The following CCDC33 variants were observed in gnomAD, a reference collection of about 807,000 sequenced individuals.
CCDC33 encodes the protein coiled-coil domain-containing protein 33.
CCDC33 carries 94 observed loss-of-function variants against 91.9 expected under a neutral mutation model. That is an observed-to-expected ratio of 1.02 (90% CI 0.87 to 1.21). CCDC33 has a LOEUF of 1.21. CCDC33 is among the 50% of genes most tolerant of loss of function. CCDC33 has a pLI of 0.00. For missense variants in CCDC33, 940 were observed against 935.5 expected, an observed-to-expected ratio of 1.00 and a Z score of -0.06; for synonymous variants, 396 against 374.5, an observed-to-expected ratio of 1.06 and a Z score of -0.66.
intron 7 of CCDC33, among the ~76,000 whole-genome samples, chr15:74,274,896 G>C (rs1444533601): frequency 6.6e-6 from 1 of 152,270 alleles, no homozygotes; most frequent in Admixed American, 6.5e-5. Flanking sequence ...TGGCAGCTGG[G>C]CCAGGTTGGG....
intron 5 of CCDC33, among the ~76,000 whole-genome samples, chr15:74,270,890 A>C (rs1018460755): frequency 6.6e-6 from 1 of 152,132 alleles, no homozygotes; most frequent in African/African-American, 2.4e-5. Flanking sequence ...CGCCAATAGA[A>C]GCCTGGAGTA....
intron 17 of CCDC33, among the ~76,000 whole-genome samples, chr15:74,334,208 T>G (rs1164754955): frequency 3.2e-4 from 38 of 117,254 alleles, no homozygotes; most frequent in African/African-American, 5.7e-4. Flanking sequence ...TTCAGTGTGT[T>G]ACCAGGGTTA....
intron 11 of CCDC33, among the ~76,000 whole-genome samples, chr15:74,312,911 C>G (rs1053594247): frequency 5.9e-5 from 9 of 152,208 alleles, no homozygotes; most frequent in African/African-American, 1.9e-4. Context: ...TCTGACCCCA[C>G]CAGGCAGGGC....
At chr15:74,280,828 C>T in intron 9 of CCDC33, 27 bp downstream of exon 9, 1 of 1,439,946 alleles carries the variant, frequency 6.9e-7, no homozygotes, top group Non-Finnish European at 9.2e-7. Context: ...GAACTGGGCC[C>T]CTAGCGTGCC....
upstream of CCDC33, among the ~76,000 whole-genome samples, chr15:74,232,197 C>A (rs1185872991): frequency 6.6e-6 from 1 of 151,944 alleles, no homozygotes; most frequent in Non-Finnish European, 1.5e-5. Context: ...TCAGGCGGGG[C>A]GAGAGATTGG....
At position 74,262,459 on chromosome 15, in the gene CCDC33, A is replaced by G. The variant is rs1395878247; in HGVS notation, c.205A>G (p.Lys69Glu). Reference sequence around the variant, plus strand: ...CCCCAGGAAAAGCACATCTGAGGAAAAGAACAATCAGAGCTCCAAGGCAGT... The same window carrying G: ...CCCCAGGAAAAGCACATCTGAGGAAGAGAACAATCAGAGCTCCAAGGCAGT... The part of the protein sequence containing the change: ...YVVVKSTSEE[K>E]NNQSSKAVTS... Residue 69 changes from lysine (K) to glutamate (E), a missense_variant, in exon 3 of 19, where the codon AAG (lysine) becomes GAG (glutamate). Physicochemically the swap from Lys to Glu is moderately conservative, Grantham distance 56. Coordinates refer to ENST00000398814, the MANE Select transcript of CCDC33 (RefSeq NM_025055.5). 15 of 1,614,098 alleles carry G rather than the reference A, an allele frequency of 9.3e-6. No individual in the cohort carries two copies. The highest frequency in any genetic ancestry group is 1.3e-5 in the Non-Finnish European group (15 of 1,179,974).
chr15:74,278,455 G>C (rs530592895), intron 7 of CCDC33, among the ~76,000 whole-genome samples: 23 of 152,354 alleles, frequency 1.5e-4, no homozygotes, highest in Non-Finnish European at 1.5e-5. Context: ...CAGCCACTTG[G>C]TGGGTCTGTA....
In CCDC33 at chr15:74,259,120, G is replaced by A. The variant is rs184369318; in HGVS notation, c.186-3320G>A. On this transcript the variant is annotated intron_variant, in intron 2 of 18. Transcript: ENST00000398814. ...CTGGATTAAATCTGGCCCCGAGACA[G>A]CAGGCACCACCCACTAGCTCCTCCT... 1.3e-4 allele frequency among the ~76,000 whole-genome samples: 20 copies of A among 152,286 alleles called. No homozygotes were observed. The East Asian group carries it at 3.9e-3, about 29-fold the overall frequency.
intron 1 of CCDC33, among the ~76,000 whole-genome samples, chr15:74,243,463 C>T (rs1339712961): frequency 2.6e-5 from 4 of 152,216 alleles, no homozygotes; most frequent in Admixed American, 2.6e-4. Context: ...CTGTCTCATC[C>T]TGCAGGAAGG....
At chr15:74,326,680 T>C (rs2060316447) in intron 11 of CCDC33, among the ~76,000 whole-genome samples, 1 of 150,094 alleles carries the variant, frequency 6.7e-6, no homozygotes, top group African/African-American at 2.5e-5. Context: ...CAGTGGGCAC[T>C]AGCCTTAGGC....
At chr15:74,228,846 T>C (rs1207345894) in intron 2 of CCDC33, among the ~76,000 whole-genome samples, 1 of 152,216 alleles carries the variant, frequency 6.6e-6, no homozygotes, top group Non-Finnish European at 1.5e-5. Context: ...AAATGCGATT[T>C]CATGGCCTCA....
At chr15:74,261,656 A>G (rs1301216748) in intron 2 of CCDC33, among the ~76,000 whole-genome samples, 2 of 152,142 alleles carry the variant, frequency 1.3e-5, no homozygotes, top group African/African-American at 4.8e-5. Flanking sequence ...AACCTCTTCT[A>G]CAGAAGAAGT....
chr15:74,217,203 A>C (rs900150880), exon 1 of CCDC33: 2 of 1,126,898 alleles, frequency 1.8e-6, no homozygotes, highest in African/African-American at 3.3e-5. Context: ...AGGCTTTCAG[A>C]CTGGGTCCAG....
chr15:74,246,472 G>A (rs764890319), intron 2 of CCDC33, among the ~76,000 whole-genome samples: 6 of 152,136 alleles, frequency 3.9e-5, no homozygotes, highest in Non-Finnish European at 8.8e-5. Context: ...CAACTCAATA[G>A]CAAAAAGACA....
rs1596047171 is a variant in CCDC33, at chr15:74,292,711, G to A, written c.1096-3043G>A. Among the ~76,000 whole-genome samples the A allele has an allele frequency of 2.0e-5, 3 of 152,342 alleles. No homozygotes were observed. In the East Asian group the frequency reaches 5.8e-4, roughly 29 times the overall value. ...GCTGGGGAGGTACAGGCATGGAGCAGCCATGGGAGCAGATCCTGGCCAGGG... is the reference window on the plus strand; with the variant it reads ...GCTGGGGAGGTACAGGCATGGAGCAACCATGGGAGCAGATCCTGGCCAGGG... On this transcript the variant is annotated intron_variant, in intron 10 of 18. Transcript: ENST00000398814.
chr15:74,293,366 G>A (rs1421217354), intron 10 of CCDC33, among the ~76,000 whole-genome samples: 4 of 152,126 alleles, frequency 2.6e-5, no homozygotes, highest in African/African-American at 7.2e-5. Flanking sequence ...GGTGGTCTTT[G>A]CCCTGTATTT....
At chr15:74,295,576 G>A (rs559213538) in intron 10 of CCDC33, among the ~76,000 whole-genome samples, 178 bp from the exon 11 acceptor site, 3 of 152,278 alleles carry the variant, frequency 2.0e-5, no homozygotes, top group Non-Finnish European at 4.4e-5. Flanking sequence ...AACAGCAAGG[G>A]CCATGTATTT....
chr15:74,229,664 A>G (rs903375306), intron 2 of CCDC33, among the ~76,000 whole-genome samples: 4 of 152,226 alleles, frequency 2.6e-5, no homozygotes, highest in Non-Finnish European at 2.9e-5. Flanking sequence ...GCGAGAAGGC[A>G]CTGGGGGCTT....
At chr15:74,246,238 G>A (rs181613866) in intron 2 of CCDC33, among the ~76,000 whole-genome samples, 1 of 152,324 alleles carries the variant, frequency 6.6e-6, no homozygotes, top group East Asian at 1.9e-4. Flanking sequence ...AAACACAGGG[G>A]AAAGGCTCCT....
Sources: gnomAD v4.1 joint callset for allele counts (sites outside exome capture counted in the v4.1 genomes callset) on GRCh38, gnomAD v4.1.1 for gene constraint, MANE v1.5 for transcripts, NCBI Gene and HGNC (gene_info 2026-07-23, HGNC 2026-07-21) for gene names.